The following SLC8A1 variants were observed in gnomAD, a reference collection of about 807,000 sequenced individuals.
SLC8A1 encodes the protein solute carrier family 8 member A1, also known as sodium/calcium exchanger 1.
A neutral mutation model predicts 68.3 loss-of-function variants in SLC8A1; 18 were observed. The ratio of observed to expected loss-of-function variants is 0.26; its 90% CI spans 0.18 to 0.39. The LOEUF is 0.39. SLC8A1 is among the 10% of genes least tolerant of loss of function. The pLI, the probability that SLC8A1 is intolerant of heterozygous loss-of-function variation, is 1.00. For synonymous variants in SLC8A1, 475 were observed against 415.5 expected (o/e 1.14, Z -1.74); for missense variants, 985 against 1,156.7 (o/e 0.85, Z 2.15).
intron 2 of SLC8A1, among the ~76,000 whole-genome samples, chr2:40,305,146 T>C (rs750967736): frequency 9.9e-5 from 15 of 152,214 alleles, no homozygotes; most frequent in South Asian, 2.1e-4. Context: ...GTCCTATTCA[T>C]CTTTGCTGGC....
intron 4 of SLC8A1, among the ~76,000 whole-genome samples, chr2:40,173,687 C>T (rs1465312498): frequency 3.4e-5 from 5 of 146,970 alleles, no homozygotes; most frequent in African/African-American, 1.2e-4. Context: ...ATATTTTCTT[C>T]TAAATATTTT....
chr2:40,392,090 A>G (rs112342939), intron 2 of SLC8A1, among the ~76,000 whole-genome samples: 4,162 of 152,142 alleles, frequency 0.027, 86 homozygotes, highest in Non-Finnish European at 0.041. Context: ...GAGAAAAATA[A>G]AAAAGAAAGC....
At chr2:40,320,721 G>T (rs6751854) in intron 2 of SLC8A1, among the ~76,000 whole-genome samples, 16 of 152,196 alleles carry the variant, frequency 1.1e-4, no homozygotes, top group African/African-American at 3.9e-4. Context: ...ATATTTAAAA[G>T]GGAGGTTTTC....
At chr2:40,116,685 C>T (rs910837929) in intron 7 of SLC8A1, 1 of 152,234 alleles carries the variant, frequency 6.6e-6, no homozygotes, top group Non-Finnish European at 1.5e-5. Context: ...GTTAGGGCTA[C>T]AGCTCCTGCC....
intron 2 of SLC8A1, among the ~76,000 whole-genome samples, chr2:40,269,866 T>G (rs1028425546): frequency 3.9e-5 from 6 of 152,118 alleles, no homozygotes; most frequent in African/African-American, 1.4e-4. Context: ...TACATATGTA[T>G]ATAGCACAAA....
At chr2:40,182,179 G>A (rs1000624740) in intron 2 of SLC8A1, among the ~76,000 whole-genome samples, 1 of 152,140 alleles carries the variant, frequency 6.6e-6, no homozygotes, top group Non-Finnish European at 1.5e-5. Context: ...AAATAGACAG[G>A]TTAACAAAAT....
intron 2 of SLC8A1, among the ~76,000 whole-genome samples, chr2:40,363,432 AC>A (rs1327350191): frequency 6.6e-6 from 1 of 152,142 alleles, no homozygotes; most frequent in African/African-American, 2.4e-5. Context: ...CAAGAAAGCT[AC>A]AAAACAGACC....
At chr2:40,443,968 A>G (rs550155480) in intron 1 of SLC8A1, among the ~76,000 whole-genome samples, 64 of 152,302 alleles carry the variant, frequency 4.2e-4, no homozygotes, top group African/African-American at 1.4e-3. Flanking sequence ...TAATGCTTTG[A>G]TGGTTATCTT....
chr2:40,438,436 A>G (rs761603071), intron 1 of SLC8A1, among the ~76,000 whole-genome samples: 3 of 152,168 alleles, frequency 2.0e-5, no homozygotes, highest in Non-Finnish European at 4.4e-5. Context: ...TGAACCCTTC[A>G]TTTATTCATC....
At chr2:40,312,935 T>C (rs771065970) in intron 2 of SLC8A1, among the ~76,000 whole-genome samples, 1 of 152,102 alleles carries the variant, frequency 6.6e-6, no homozygotes, top group African/African-American at 2.4e-5. Flanking sequence ...ATAAATCTAA[T>C]GGGTTTTGAA....
intron 2 of SLC8A1, among the ~76,000 whole-genome samples, chr2:40,339,464 T>C (rs1667026763): frequency 6.6e-6 from 1 of 152,218 alleles, no homozygotes; most frequent in Non-Finnish European, 1.5e-5. Flanking sequence ...CACTTTACCA[T>C]TTTTATGTAC....
chr2:40,174,853 A>T lies in SLC8A1; in HGVS notation c.1913-11T>A. On this transcript the variant is annotated splice_polypyrimidine_tract_variant and intron_variant, in intron 3 of 7. Transcript: ENST00000406785. ...TTATTGTGAAGCCACCTAAAAAAGA[A>T]AAAAACAACAACAAATGTTATAATT... The T allele has an allele frequency of 6.2e-7, 1 of 1,606,874 alleles. No individual in the cohort carries two copies. The highest frequency in any genetic ancestry group is 8.5e-7 in the Non-Finnish European group (1 of 1,173,796).
At position 40,184,913 on chromosome 2, in the gene SLC8A1, A is replaced by T. The variant is rs1027921460; in HGVS notation, c.1809-7058T>A. Reference sequence around the variant, plus strand: ...TAACCAAAAACAAAAAAAAAAAAAAAAAAAAAGGAAAAGAAAGAAAAAAAG... The same window carrying T: ...TAACCAAAAACAAAAAAAAAAAAAATAAAAAAGGAAAAGAAAGAAAAAAAG... On this transcript the variant is annotated intron_variant, in intron 2 of 7. Coordinates refer to ENST00000406785, the Ensembl canonical transcript of SLC8A1. Among the ~76,000 whole-genome samples, 685 of 151,782 alleles carry T rather than the reference A, an allele frequency of 4.5e-3. 18 individuals carry two copies. The highest frequency in any genetic ancestry group is 0.04 in the Admixed American group (614 of 15,242).
chr2:40,215,353 A>G (rs1000152375), intron 2 of SLC8A1, among the ~76,000 whole-genome samples: 54 of 152,048 alleles, frequency 3.6e-4, no homozygotes, highest in African/African-American at 1.2e-3. Context: ...AATGTTATGT[A>G]GAGGCCGGGC....
intron 2 of SLC8A1, among the ~76,000 whole-genome samples, chr2:40,259,698 G>A (rs996137149): frequency 3.7e-4 from 56 of 152,090 alleles, no homozygotes; most frequent in African/African-American, 1.2e-3. Context: ...CTTAGGGTTT[G>A]GAGGTTGATT....
intron 2 of SLC8A1, among the ~76,000 whole-genome samples, chr2:40,180,593 T>C (rs929497802): frequency 8.5e-5 from 13 of 152,228 alleles, no homozygotes; most frequent in Non-Finnish European, 1.5e-4. Flanking sequence ...TCTCTGCACT[T>C]GATGGCCCAA....
At chr2:40,201,295 G>T (rs2054317075) in intron 2 of SLC8A1, among the ~76,000 whole-genome samples, 2 of 151,746 alleles carry the variant, frequency 1.3e-5, no homozygotes. Context: ...AGGTATGACT[G>T]GTTGGGTTCT....
chr2:40,097,295 T>C (rs138079731), exon 8 of SLC8A1: 38 of 151,386 alleles, frequency 2.5e-4, no homozygotes, highest in African/African-American at 8.3e-4. Context: ...CATTTATATT[T>C]CAGTGTTAGG....
intron 1 of SLC8A1, among the ~76,000 whole-genome samples, chr2:40,444,120 G>A (rs1285417265): frequency 6.6e-6 from 1 of 152,066 alleles, no homozygotes; most frequent in African/African-American, 2.4e-5. Context: ...AACTGCTTGA[G>A]CCCAGGAGTT....
Sources: gnomAD v4.1 joint callset for allele counts (sites outside exome capture counted in the v4.1 genomes callset) on GRCh38, gnomAD v4.1.1 for gene constraint, MANE v1.5 for transcripts, NCBI Gene and HGNC (gene_info 2026-07-23, HGNC 2026-07-21) for gene names.